Variants in KIF18A observed in about 807,000 individuals in gnomAD.
The protein encoded by KIF18A is kinesin family member 18A, also known as kinesin-like protein KIF18A.
A neutral mutation model predicts 103.3 loss-of-function variants in KIF18A; 67 were observed. The observed-to-expected ratio is 0.65, with a 90% confidence interval of 0.53 to 0.79. KIF18A has a LOEUF of 0.79. KIF18A is among the 30% of genes least tolerant of loss of function. The pLI is 0.00. For missense variants in KIF18A, 1,032 were observed against 1,062.5 expected (o/e 0.97, Z 0.40); for synonymous variants, 367 against 355.5 (o/e 1.03, Z -0.36).
At chr11:28,098,022 A>G (rs1851398334) in intron 1 of KIF18A, 29 bp from the exon 2 acceptor site, 17 of 1,172,412 alleles carry the variant, frequency 1.5e-5, no homozygotes, top group Non-Finnish European at 1.8e-5. Flanking sequence ...ATAAAGTTTT[A>G]ATATCAGTTT....
intron 15 of KIF18A, among the ~76,000 whole-genome samples, chr11:28,026,135 G>A (rs1485906703): frequency 2.0e-5 from 3 of 151,686 alleles, no homozygotes; most frequent in African/African-American, 7.3e-5. Context: ...GTAAAATAGT[G>A]TGCTAGAGAA....
At chr11:28,092,051 G>A (rs912560580) in intron 3 of KIF18A, among the ~76,000 whole-genome samples, 4 of 152,098 alleles carry the variant, frequency 2.6e-5, no homozygotes, top group African/African-American at 4.8e-5. Flanking sequence ...TTCTGACCTC[G>A]TGATCCGCCC....
chr11:28,058,489 GAA>G (rs34177202), intron 13 of KIF18A, among the ~76,000 whole-genome samples: 36 of 54,244 alleles, frequency 6.6e-4, no homozygotes, highest in African/African-American at 2.7e-3. Flanking sequence ...GTTTCTACAG[GAA>G]AAAAAAAAAA....
chr11:28,090,528 T>C, intron 5 of KIF18A, 89 bp downstream of exon 5: 1 of 780,012 alleles, frequency 1.3e-6, no homozygotes, highest in Non-Finnish European at 2.2e-6. Flanking sequence ...AGACAGATTT[T>C]TTTCACATGT....
intron 13 of KIF18A, among the ~76,000 whole-genome samples, chr11:28,042,616 G>T (rs781286393): frequency 3.3e-5 from 5 of 151,846 alleles, no homozygotes; most frequent in African/African-American, 4.8e-5. Context: ...TGATAGGGAA[G>T]GAATTTAGAA....
At position 28,082,911 on chromosome 11, in the gene KIF18A, C is replaced by G; in HGVS notation, c.1207G>C (p.Glu403Gln). ...ATCATTAACTTTGCTTGGTCATTTTCATTAGTGAAGGCTTTCTGTTCTTCA... is the reference window on the plus strand; with the variant it reads ...ATCATTAACTTTGCTTGGTCATTTTGATTAGTGAAGGCTTTCTGTTCTTCA... ...AYEEQKAFTN[E>Q]NDQAKLMISN... The change falls in exon 9 of 17, where the codon GAA becomes CAA. Residue 403 changes from glutamate (E) to glutamine (Q), a missense_variant. Coordinates refer to ENST00000263181, the MANE Select transcript of KIF18A (RefSeq NM_031217.4). The G allele has an allele frequency of 1.2e-6, 2 of 1,606,144 alleles. No individual in the cohort carries two copies. The highest frequency in any genetic ancestry group is 2.2e-5 in the South Asian group (2 of 89,478).
Position 28,062,539 on chromosome 11 carries a change from T to C in KIF18A, c.1591-23A>G, listed in dbSNP as rs771754060. The C allele has an allele frequency of 2.5e-6, 4 of 1,593,222 alleles. No individual in the cohort carries two copies. In the East Asian group the frequency reaches 6.8e-5, roughly 27 times the overall value. Reference sequence around the variant, plus strand: ...TTCCTAGGGCAAACAATACAAAATGTACTTCAGATCACTCTAAGAATATTG... The same window carrying C: ...TTCCTAGGGCAAACAATACAAAATGCACTTCAGATCACTCTAAGAATATTG... On this transcript the variant is annotated intron_variant, in intron 11 of 16. Coordinates refer to ENST00000263181, the MANE Select transcript of KIF18A (RefSeq NM_031217.4).
chr11:28,032,024 A>C (rs911868418), intron 15 of KIF18A, among the ~76,000 whole-genome samples: 1 of 151,908 alleles, frequency 6.6e-6, no homozygotes, highest in African/African-American at 2.4e-5. Context: ...AGAACCTAGA[A>C]ACAAATTCAG....
intron 13 of KIF18A, among the ~76,000 whole-genome samples, chr11:28,054,138 T>A (rs1850748339): frequency 6.6e-6 from 1 of 151,960 alleles, no homozygotes. Flanking sequence ...TTATTGGCAA[T>A]AATAGTGAAA....
At chr11:28,085,667 T>C (rs554248982) in intron 6 of KIF18A, among the ~76,000 whole-genome samples, 4 of 152,280 alleles carry the variant, frequency 2.6e-5, no homozygotes, top group Non-Finnish European at 4.4e-5. Context: ...TTGTCTTGTA[T>C]GCAATAAATA....
intron 16 of KIF18A, among the ~76,000 whole-genome samples, chr11:28,021,949 A>G (rs1850251038): frequency 6.6e-6 from 1 of 151,880 alleles, no homozygotes; most frequent in Non-Finnish European, 1.5e-5. Context: ...TTCCCTTAAC[A>G]CTCTCTGTTA....
intron 5 of KIF18A, 29 bp from the exon 6 acceptor site, chr11:28,088,750 T>A: frequency 6.4e-7 from 1 of 1,551,560 alleles, no homozygotes; most frequent in Non-Finnish European, 8.8e-7. Flanking sequence ...TAGAAAAAAA[T>A]GAGGATAAGA....
intron 2 of KIF18A, among the ~76,000 whole-genome samples, chr11:28,095,680 A>G (rs1042657138): frequency 3.3e-5 from 5 of 152,168 alleles, no homozygotes; most frequent in African/African-American, 1.2e-4. Context: ...TATTCAGTAC[A>G]AGAAAGTCAT....
intron 6 of KIF18A, among the ~76,000 whole-genome samples, chr11:28,085,617 G>T (rs1379277629): frequency 6.6e-6 from 1 of 152,154 alleles, no homozygotes; most frequent in African/African-American, 2.4e-5. Context: ...GCCTCACCTT[G>T]TCAATCACTT....
At chr11:28,084,426 TTA>T (rs5790680) in intron 7 of KIF18A, 162,314 of 169,694 alleles carry the variant, frequency 0.96, 77,712 homozygotes, top group South Asian at 0.99. Flanking sequence ...ATAGTATCTA[TTA>T]TATATATATA....
chr11:28,041,459 A>G (rs1312593054), intron 13 of KIF18A, among the ~76,000 whole-genome samples: 1 of 151,758 alleles, frequency 6.6e-6, no homozygotes, highest in Non-Finnish European at 1.5e-5. Context: ...AAAAGAGGCT[A>G]GTTTGATTGA....
At chr11:28,055,332 T>A (rs1009738852) in intron 13 of KIF18A, among the ~76,000 whole-genome samples, 4 of 152,210 alleles carry the variant, frequency 2.6e-5, no homozygotes, top group African/African-American at 9.6e-5. Context: ...AACATCTGTT[T>A]GAAGGCACTG....
At chr11:28,039,994 A>T (rs939060098) in intron 13 of KIF18A, among the ~76,000 whole-genome samples, 2 of 151,786 alleles carry the variant, frequency 1.3e-5, no homozygotes, top group South Asian at 4.1e-4. Context: ...AGAAAGCTTC[A>T]GGAGCTAACC....
chr11:28,021,880 T>G (rs1189712490), intron 16 of KIF18A, among the ~76,000 whole-genome samples: 1 of 152,216 alleles, frequency 6.6e-6, no homozygotes, highest in Non-Finnish European at 1.5e-5. Context: ...TTTTCAGGAT[T>G]AGTTTAATTG....
Sources: gnomAD v4.1 joint callset for allele counts (sites outside exome capture counted in the v4.1 genomes callset) on GRCh38, gnomAD v4.1.1 for gene constraint, MANE v1.5 for transcripts, NCBI Gene and HGNC (gene_info 2026-07-23, HGNC 2026-07-21) for gene names.